The following RSRP1 variants were observed in gnomAD, a reference collection of about 807,000 sequenced individuals.
RSRP1 encodes the protein arginine and serine rich protein 1.
A neutral mutation model predicts 33.0 loss-of-function variants in RSRP1; 37 were observed. That is an observed-to-expected ratio of 1.12 (90% CI 0.86 to 1.48). The LOEUF is 1.48. Ranked by LOEUF, RSRP1 falls within the 40% of genes most tolerant of loss-of-function variation. RSRP1 has a pLI of 0.00. For synonymous variants in RSRP1, 167 were observed against 158.7 expected (o/e 1.05, Z -0.40); for missense variants, 402 against 385.3 (o/e 1.04, Z -0.36).
chr1:25,295,757 C>CAAGAAAGG (rs1642880923), intron 1 of RSRP1, among the ~76,000 whole-genome samples: 1 of 103,528 alleles, frequency 9.7e-6, no homozygotes, highest in African/African-American at 3.2e-5. Flanking sequence ...GAGACCACAG[C>CAAGAAAGG]AAGAAAGGGA....
At chr1:25,313,677 A>G (rs960130593) in intron 1 of RSRP1, among the ~76,000 whole-genome samples, 1 of 132,400 alleles carries the variant, frequency 7.6e-6, no homozygotes, top group African/African-American at 2.6e-5. Context: ...AGGCAGCAGA[A>G]AGAGAGGGGG....
chr1:25,245,850 A>C (rs1639333936), intron 2 of RSRP1: 1 of 155,876 alleles, frequency 6.4e-6, no homozygotes, highest in Non-Finnish European at 1.4e-5. Flanking sequence ...TCTTTATATA[A>C]TTATCACAAC....
chr1:25,331,880 C>G (rs1645018044), intron 1 of RSRP1, among the ~76,000 whole-genome samples: 1 of 126,710 alleles, frequency 7.9e-6, no homozygotes, highest in South Asian at 2.4e-4. Flanking sequence ...GCTGGGACTA[C>G]AGGCGCCCGC....
rs661279 is a variant in RSRP1 at position 25,333,864 on chromosome 1, G to A, written c.-67+4114C>T. On this transcript the variant is annotated intron_variant, in intron 1 of 1. Transcript: ENST00000561867. ...ATCCTGTTAGACTTATCACTATCAC[G>A]AGAACAGCACGGGTAAGACCTGTCC... Among the ~76,000 whole-genome samples, 136 of 130,648 alleles carry A rather than the reference G, an allele frequency of 1.0e-3. 16 individuals carry two copies. Among genetic ancestry groups the A allele is most frequent in the African/African-American group, 3.0e-3 (113 of 38,008 alleles). 85.7% of individuals were successfully genotyped at this position (130,648 alleles called of 152,430 possible).
At chr1:25,246,009 C>T (rs752511320) in intron 2 of RSRP1, 17 of 161,824 alleles carry the variant, frequency 1.1e-4, no homozygotes, top group Admixed American at 1.8e-4. Context: ...GCCTCCGCCT[C>T]CCCAAGTGCT....
chr1:25,242,839 G>A (rs1372989089), intron 4 of RSRP1, 134 bp from the exon 5 acceptor site: 1 of 632,668 alleles, frequency 1.6e-6, no homozygotes, highest in Non-Finnish European at 2.7e-6. Flanking sequence ...GCTCACGCCT[G>A]TAATCCCAGC....
chr1:25,260,262 T>C (rs1640090059), intron 1 of RSRP1, among the ~76,000 whole-genome samples: 1 of 152,220 alleles, frequency 6.6e-6, no homozygotes, highest in Admixed American at 6.5e-5. Flanking sequence ...TACACAATAC[T>C]TGAAAAATAA....
chr1:25,245,561 G>A (rs1264546968), intron 2 of RSRP1, among the ~76,000 whole-genome samples: 2 of 152,140 alleles, frequency 1.3e-5, no homozygotes, highest in Admixed American at 6.5e-5. Context: ...AAGTGTGCGC[G>A]AGGGTTCCAT....
intron 1 of RSRP1, among the ~76,000 whole-genome samples, chr1:25,268,947 T>G (rs546097854): frequency 0.021 from 1,700 of 82,316 alleles, 188 homozygotes; most frequent in African/African-American, 0.06. Flanking sequence ...AAACTTCATC[T>G]CAAAAAAAAA....
chr1:25,248,040 A>G (rs1639623244), upstream of RSRP1: 3 of 152,430 alleles, frequency 2.0e-5, no homozygotes, highest in South Asian at 6.2e-4. Context: ...GCCATGACAG[A>G]GAGGGGACCT....
At chr1:25,259,388 C>T (rs1318200873) in intron 1 of RSRP1, among the ~76,000 whole-genome samples, 3 of 152,032 alleles carry the variant, frequency 2.0e-5, no homozygotes, top group Admixed American at 6.6e-5. Flanking sequence ...CCACTGTGCC[C>T]GGCCTTGTTT....
chr1:25,242,426 C>G lies in RSRP1; in HGVS notation c.*163G>C. ...CTATCTCTCATATCTGCAAGAGAAA[C>G]CTAAAATGTTAATATTTGAGTGTTA... On this transcript the variant is annotated 3_prime_UTR_variant, in exon 5 of 5. Coordinates refer to ENST00000243189, the MANE Select transcript of RSRP1 (RefSeq NM_020317.5). 1 of 534,962 alleles carries G rather than the reference C, an allele frequency of 1.9e-6. No individual in the cohort carries two copies. Among genetic ancestry groups the G allele is most frequent in the Non-Finnish European group, 3.4e-6 (1 of 296,942 alleles). 33.1% of individuals were successfully genotyped at this position (534,962 alleles called of 1,614,324 possible). A position where few individuals can be genotyped will look rare whatever the true frequency, so the allele number is the denominator to read the frequency against.
At position 25,246,824 on chromosome 1, in the gene RSRP1, G is replaced by C. The variant is rs746302812; in HGVS notation, c.140C>G (p.Ser47Cys). Residue 47 changes from serine to cysteine, a missense_variant, in exon 2 of 5, where the codon TCC becomes TGC. Physicochemically the swap from Ser to Cys is moderately radical, Grantham distance 112. Coordinates refer to ENST00000243189, the MANE Select transcript of RSRP1 (RefSeq NM_020317.5). ...GGACGAAAACCGGCTCGAGACGCGG[G>C]AATGGGACCGAGAGCTTCTGGAAAA... ...RSFSRSSRSH[S>C]RVSSRFSSRS... is the part of the protein sequence containing the mutation. The C allele has an allele frequency of 1.2e-6, 2 of 1,613,448 alleles. No individual in the cohort carries two copies. The highest frequency in any genetic ancestry group is 1.1e-5 in the South Asian group (1 of 91,090).
intron 1 of RSRP1, among the ~76,000 whole-genome samples, chr1:25,298,760 C>G (rs1643139128): frequency 7.6e-6 from 1 of 131,102 alleles, no homozygotes; most frequent in Admixed American, 7.5e-5. Context: ...CATGGAACGT[C>G]TGTTCCAGAA....
chr1:25,290,585 A>ATGAG (rs1557528249), intron 1 of RSRP1: 3 of 1,172,848 alleles, frequency 2.6e-6, no homozygotes, highest in Admixed American at 1.8e-5. Flanking sequence ...GAATGAATGA[A>ATGAG]TGAGTGAGAG....
chr1:25,307,470 A>G lies in RSRP1; in HGVS notation c.-67+30508T>C, dbSNP rs1251793483. Among the ~76,000 whole-genome samples the G allele has an allele frequency of 1.1e-4, 14 of 132,990 alleles. 1 individual carries two copies. Among genetic ancestry groups the G allele is most frequent in the Admixed American group, 7.3e-4 (10 of 13,750 alleles). 87.2% of individuals were successfully genotyped at this position (132,990 alleles called of 152,430 possible). ...GATAGATTTTTAGAGATGAACTGGTAGCATGATGATAATCATATTCACTGA... is the reference window on the plus strand; with the variant it reads ...GATAGATTTTTAGAGATGAACTGGTGGCATGATGATAATCATATTCACTGA... On this transcript the variant is annotated intron_variant, in intron 1 of 1. Transcript: ENST00000561867.
Position 25,300,546 on chromosome 1 carries a change from A to C in RSRP1, c.-67+37432T>G, listed in dbSNP as rs1442971817. ...AAAAAAAGGCCAGGCGCAGTGGCTCATGCCTGTAATCCCAGCACTTTGGGA... is the reference window on the plus strand; with the variant it reads ...AAAAAAAGGCCAGGCGCAGTGGCTCCTGCCTGTAATCCCAGCACTTTGGGA... On this transcript the variant is annotated intron_variant, in intron 1 of 1. Coordinates refer to the RSRP1 transcript ENST00000561867. Among the ~76,000 whole-genome samples, 2 of 127,644 alleles carry C rather than the reference A, an allele frequency of 1.6e-5. 1 individual carries two copies. The highest frequency in any genetic ancestry group is 3.9e-4 in the East Asian group (2 of 5,068). The allele number at this position is 127,644 out of a possible 152,430, so 83.7% of individuals were successfully genotyped here. A position where few individuals can be genotyped will look rare whatever the true frequency, so the allele number is the denominator to read the frequency against.
In RSRP1 at chr1:25,246,601, A is replaced by G; in HGVS notation, c.363T>C (p.Ser121=). ...CCCTTCCGCAGTACGACCTTCCCCG[A>G]GAGCGCGACCTGCTACGGGACCGGG... is the stretch of plus-strand genomic sequence containing the variant. The part of the protein sequence containing the change: ...YRSRSRSRSR[S]RGRSYCGRAY... Residue 121 remains serine (S), a synonymous_variant, in exon 2 of 5, where the codon TCT becomes TCC. Coordinates refer to ENST00000243189, the MANE Select transcript of RSRP1 (RefSeq NM_020317.5). 6.2e-7 allele frequency: 1 copy of G among 1,614,098 alleles called. No homozygotes were observed. The highest frequency in any genetic ancestry group is 1.1e-5 in the South Asian group (1 of 91,082).
chr1:25,279,293 C>T (rs557736740), intron 1 of RSRP1, among the ~76,000 whole-genome samples: 3 of 128,140 alleles, frequency 2.3e-5, no homozygotes, highest in South Asian at 2.4e-4. Flanking sequence ...CATGAGCCAG[C>T]GAGCTCAATG....
Sources: allele counts gnomAD v4.1 joint callset (sites outside exome capture counted in the v4.1 genomes callset), GRCh38; gene constraint gnomAD v4.1.1; transcripts MANE v1.5; gene names NCBI Gene and HGNC (gene_info 2026-07-23, HGNC 2026-07-21).